TRPM1: variants seen among roughly 807,000 people sequenced by gnomAD.
TRPM1 encodes TRPM1-203 APA Isoform, Intron 10.
TRPM1 carries 113 observed loss-of-function variants against 149.4 expected under a neutral mutation model. That is an observed-to-expected ratio of 0.76 (90% CI 0.65 to 0.88). TRPM1 has a LOEUF of 0.88. TRPM1 is among the 40% of genes least tolerant of loss of function. The pLI, the probability that TRPM1 is intolerant of heterozygous loss-of-function variation, is 0.00. For missense variants in TRPM1, 1,976 were observed against 2,038.7 expected (o/e 0.97, Z 0.59); for synonymous variants, 741 against 759.5 (o/e 0.98, Z 0.40).
chr15:31,040,218 G>C lies in TRPM1; in HGVS notation c.2216C>G (p.Ala739Gly). The C allele has an allele frequency of 6.2e-7, 1 of 1,614,210 alleles. No individual in the cohort carries two copies. The highest frequency in any genetic ancestry group is 8.5e-7 in the Non-Finnish European group (1 of 1,180,034). ...SNSTCLKLAV[A>G]AKHRDFIAHT... ...AGCAATGAAGTCCCGGTGTTTGGCT[G>C]CCACGGCCAGTTTGAGGCAGGTCGA... The change falls in exon 18 of 28, where the codon GCA becomes GGA. Residue 739 changes from alanine to glycine, a missense_variant. This residue lies in a region of TRPM1 where 1,332 missense variants were observed against 1,347.1 expected (regional missense o/e 0.99). Coordinates refer to ENST00000256552, the MANE Select transcript of TRPM1 (RefSeq NM_001252024.2). This position sits in a 1 kb window ranked among gnomAD's most constrained non-coding sequence, Gnocchi z 4.2.
intron 11 of TRPM1, among the ~76,000 whole-genome samples, chr15:31,051,161 T>G (rs2033939704): frequency 6.6e-6 from 1 of 151,990 alleles, no homozygotes; most frequent in South Asian, 2.1e-4. Flanking sequence ...AAGGGGAGTG[T>G]GTGCTCTACT....
At chr15:31,053,969 A>G (rs2034016034) in intron 11 of TRPM1, among the ~76,000 whole-genome samples, 1 of 152,238 alleles carries the variant, frequency 6.6e-6, no homozygotes, top group Non-Finnish European at 1.5e-5. Flanking sequence ...TCTGAGTGAA[A>G]TAAGCCAGTC....
At chr15:31,090,006 C>T (rs2035187568) in intron 1 of TRPM1, among the ~76,000 whole-genome samples, 1 of 151,892 alleles carries the variant, frequency 6.6e-6, no homozygotes, top group Non-Finnish European at 1.5e-5. Context: ...ATGAAAAAAC[C>T]CTAAACTAGT....
At position 31,002,019 on chromosome 15, in the gene TRPM1, G is replaced by A. The variant is rs183837653; in HGVS notation, c.4681C>T (p.Pro1561Ser). The part of the protein sequence containing the change: ...NGMENLLSVK[P>S]DQTLGFPSLR... ...GATGGGAATCCCAAAGTTTGATCTG[G>A]CTTCACAGACAGTAAGTTTTCCATC... is the stretch of plus-strand genomic sequence containing the variant. Residue 1561 changes from proline to serine, a missense_variant, in exon 28 of 28, where the codon CCA (proline) becomes TCA (serine). Around this residue, in one of 3 missense-constraint regions of TRPM1, gnomAD observed 572 missense variants for 578.9 expected, o/e 0.99. Transcript: ENST00000256552. 65 of 1,614,158 alleles carry A rather than the reference G, an allele frequency of 4.0e-5. No individual in the cohort carries two copies. The African/African-American group carries it at 7.1e-4, about 18-fold the overall frequency.
intron 1 of TRPM1, among the ~76,000 whole-genome samples, chr15:31,088,625 T>C (rs928193672): frequency 2.2e-4 from 33 of 152,172 alleles, no homozygotes; most frequent in African/African-American, 7.0e-4. Flanking sequence ...AGGAAACATC[T>C]GAAGGAACAA....
In TRPM1 at chr15:31,032,937, G is replaced by A. The variant is rs2140913108; in HGVS notation, c.2704C>T (p.Leu902Phe). The A allele has an allele frequency of 3.1e-6, 5 of 1,614,102 alleles. No individual in the cohort carries two copies. The highest frequency in any genetic ancestry group is 4.2e-6 in the Non-Finnish European group (5 of 1,180,020). The change falls in exon 22 of 28, where the codon CTC becomes TTC. Residue 902 changes from leucine to phenylalanine, a missense_variant. Physicochemically the swap from Leu to Phe is conservative, Grantham distance 22. This residue lies in a region of TRPM1 where 1,332 missense variants were observed against 1,347.1 expected (regional missense o/e 0.99). Coordinates refer to ENST00000256552, the MANE Select transcript of TRPM1 (RefSeq NM_001252024.2). ...CTGAGTTTGCCTGGTTCTGACATGAGGATCTGAAAACAAACCCCAAAGAAC... is the reference window on the plus strand; with the variant it reads ...CTGAGTTTGCCTGGTTCTGACATGAAGATCTGAAAACAAACCCCAAAGAAC... Reference protein sequence around the residue: ...SLALEKIREILMSEPGKLSQK... With the variant: ...SLALEKIREIFMSEPGKLSQK...
chr15:31,030,406 G>C (rs1300968353), intron 23 of TRPM1, among the ~76,000 whole-genome samples: 3 of 152,176 alleles, frequency 2.0e-5, no homozygotes, highest in Non-Finnish European at 2.9e-5. Flanking sequence ...CTTCAATCCA[G>C]AAGACACCAG....
At chr15:31,089,457 CCTGCTGACCTTA>C (rs1225637100) in intron 1 of TRPM1, among the ~76,000 whole-genome samples, 1 of 152,204 alleles carries the variant, frequency 6.6e-6, no homozygotes, top group Non-Finnish European at 1.5e-5. Flanking sequence ...GTGACCATGG[CCTGCTGACCTTA>C]GTGCTGGCCC....
chr15:31,067,306 C>T (rs2140962785), intron 5 of TRPM1, 119 bp from the exon 6 acceptor site: 3 of 1,418,532 alleles, frequency 2.1e-6, no homozygotes, highest in Non-Finnish European at 2.0e-6. Context: ...GGGTGAGACA[C>T]ACTCATCTTT....
At position 31,062,574 on chromosome 15, in the gene TRPM1, C is replaced by T. The variant is rs1365414488; in HGVS notation, c.1089+5G>A. 6.2e-7 allele frequency: 1 copy of T among 1,613,940 alleles called. No homozygotes were observed. The highest frequency in any genetic ancestry group is 8.5e-7 in the Non-Finnish European group (1 of 1,180,006). The stretch of plus-strand genomic sequence containing the variant: ...CTTGTTTGGAAATAAATTCAAGACA[C>T]TTACGAGTTCTTTCTTCTTCATGCA... On this transcript the variant is annotated splice_donor_5th_base_variant and intron_variant, in intron 9 of 27. Coordinates refer to ENST00000256552, the MANE Select transcript of TRPM1 (RefSeq NM_001252024.2).
intron 1 of TRPM1, among the ~76,000 whole-genome samples, chr15:31,153,706 C>A (rs2036332482): frequency 6.6e-6 from 1 of 152,184 alleles, no homozygotes; most frequent in African/African-American, 2.4e-5. Flanking sequence ...GGAAGCCTCC[C>A]CTCCCCGCCC....
intron 3 of TRPM1, among the ~76,000 whole-genome samples, chr15:31,072,872 A>T (rs1443880188): frequency 3.3e-5 from 5 of 151,320 alleles, no homozygotes; most frequent in Admixed American, 1.3e-4. Flanking sequence ...TGGGTTATTT[A>T]TTTTTTTTTA....
intron 1 of TRPM1, among the ~76,000 whole-genome samples, chr15:31,150,976 C>T (rs758080203): frequency 2.0e-5 from 3 of 152,108 alleles, no homozygotes; most frequent in South Asian, 2.1e-4. Flanking sequence ...TGAAGCTACC[C>T]GAAATTCACA....
intron 1 of TRPM1, among the ~76,000 whole-genome samples, chr15:31,120,554 T>A (rs1158952040): frequency 1.3e-5 from 2 of 152,230 alleles, no homozygotes; most frequent in Non-Finnish European, 2.9e-5. Flanking sequence ...TAACTTAATC[T>A]AATTGACATT....
At chr15:31,030,162 C>T (rs920812363) in intron 23 of TRPM1, among the ~76,000 whole-genome samples, 29 of 152,320 alleles carry the variant, frequency 1.9e-4, no homozygotes, top group African/African-American at 6.7e-4. Flanking sequence ...TATACACTGA[C>T]AGCCCTACAT....
intron 3 of TRPM1, among the ~76,000 whole-genome samples, chr15:31,076,298 A>G (rs1364726156): frequency 6.6e-6 from 1 of 152,186 alleles, no homozygotes; most frequent in East Asian, 1.9e-4. Context: ...CATGAATTTC[A>G]TATTGGACGA....
At chr15:31,111,689 C>G (rs903980905) in intron 1 of TRPM1, among the ~76,000 whole-genome samples, 2 of 152,180 alleles carry the variant, frequency 1.3e-5, no homozygotes, top group Non-Finnish European at 2.9e-5. Context: ...AAGAGCTCAA[C>G]GCATGGCACC....
Position 31,040,841 on chromosome 15 carries a change from G to A in TRPM1, c.2088-495C>T, listed in dbSNP as rs1356495511. On this transcript the variant is annotated intron_variant, in intron 17 of 27. Transcript: ENST00000256552. The surrounding 1 kb of genome is among the most constrained non-coding windows in gnomAD (Gnocchi z 4.2). ...AGGTTCTTAGTTGATCTGGGTGCTG[G>A]TGGTGCCGGCATGTCCCACCTGTGG... 5.3e-5 allele frequency among the ~76,000 whole-genome samples: 8 copies of A among 152,156 alleles called. No individual in the cohort carries two copies. The East Asian group carries it at 1.5e-3, about 29-fold the overall frequency.
chr15:31,054,020 A>G (rs1386222209), intron 11 of TRPM1, among the ~76,000 whole-genome samples: 2 of 152,240 alleles, frequency 1.3e-5, no homozygotes, highest in Non-Finnish European at 2.9e-5. Context: ...TATAGGAGGT[A>G]CTAACAGTAG....
Sources: allele counts gnomAD v4.1 joint callset (sites outside exome capture counted in the v4.1 genomes callset), GRCh38; gene constraint gnomAD v4.1.1; regional missense constraint gnomAD v4.1.1; non-coding constraint Gnocchi (gnomAD v3.1); transcripts MANE v1.5; gene names NCBI Gene and HGNC (gene_info 2026-07-23, HGNC 2026-07-21).